C5orf46: variants seen among roughly 807,000 people sequenced by gnomAD.
The protein encoded by C5orf46 is uncharacterized protein C5orf46.
A neutral mutation model predicts 8.9 loss-of-function variants in C5orf46; 9 were observed. That is an observed-to-expected ratio of 1.01 (90% CI 0.61 to 1.76). The LOEUF (loss-of-function observed/expected upper bound fraction) is 1.76, where lower values mean the gene tolerates loss of function less well. Ranked by LOEUF, C5orf46 falls within the 40% of genes most tolerant of loss-of-function variation. C5orf46 has a pLI of 0.00. For missense variants in C5orf46, 98 were observed against 107.8 expected, an observed-to-expected ratio of 0.91 and a Z score of 0.40; for synonymous variants, 47 against 41.4, an observed-to-expected ratio of 1.14 and a Z score of -0.52.
intron 2 of C5orf46, among the ~76,000 whole-genome samples, chr5:147,900,896 G>C (rs942023921): frequency 2.0e-5 from 3 of 152,184 alleles, no homozygotes; most frequent in African/African-American, 7.2e-5. Flanking sequence ...ATACAGTGTA[G>C]TAGTGTCAAA....
chr5:147,900,007 A>G (rs1490800750), intron 2 of C5orf46, among the ~76,000 whole-genome samples: 1 of 152,186 alleles, frequency 6.6e-6, no homozygotes, highest in Non-Finnish European at 1.5e-5. Flanking sequence ...TATGGTTAAC[A>G]CAGAGAAAAA....
chr5:147,896,259 T>C (rs988196180), intron 3 of C5orf46, among the ~76,000 whole-genome samples: 1 of 152,190 alleles, frequency 6.6e-6, no homozygotes, highest in African/African-American at 2.4e-5. Context: ...CCTTTATCAA[T>C]ATAGCCACAT....
At chr5:147,893,704 G>A (rs1420413774) in intron 3 of C5orf46, among the ~76,000 whole-genome samples, 3 of 152,004 alleles carry the variant, frequency 2.0e-5, no homozygotes, top group African/African-American at 7.2e-5. Flanking sequence ...CACCATGCCC[G>A]GCTAATTTTG....
chr5:147,906,100 A>G (rs562888715), intron 1 of C5orf46, among the ~76,000 whole-genome samples: 6 of 152,294 alleles, frequency 3.9e-5, no homozygotes, highest in African/African-American at 1.4e-4. Flanking sequence ...CAGAGTACAT[A>G]TTCTTCACCA....
chr5:147,890,245 GA>G (rs1354307845), downstream of C5orf46, among the ~76,000 whole-genome samples: 1 of 152,106 alleles, frequency 6.6e-6, no homozygotes, highest in Non-Finnish European at 1.5e-5. Context: ...AAAATCATGA[GA>G]TATTCAACTG....
At chr5:147,901,447 G>A (rs1490048017) in intron 2 of C5orf46, 182 bp downstream of exon 2, 2 of 518,780 alleles carry the variant, frequency 3.9e-6, no homozygotes, top group South Asian at 3.7e-5. Flanking sequence ...CCCCCAAAAA[G>A]CTCAGGGCAG....
intron 1 of C5orf46, among the ~76,000 whole-genome samples, chr5:147,904,829 C>CTA (rs35258921): frequency 1.4e-4 from 21 of 148,736 alleles, no homozygotes; most frequent in Non-Finnish European, 1.8e-4. Flanking sequence ...TATTATATAT[C>CTA]TATATATATA....
chr5:147,893,572 C>T (rs907742343), intron 3 of C5orf46, among the ~76,000 whole-genome samples: 2 of 151,970 alleles, frequency 1.3e-5, no homozygotes, highest in Admixed American at 6.6e-5. Flanking sequence ...GCCACAGTTT[C>T]GCTCTTGTTG....
downstream of C5orf46, among the ~76,000 whole-genome samples, chr5:147,888,398 A>T (rs1436462697): frequency 6.6e-6 from 1 of 152,212 alleles, no homozygotes; most frequent in Non-Finnish European, 1.5e-5. Flanking sequence ...TGGATTTAAG[A>T]ATAAAATCCT....
rs1403343403 is a variant in C5orf46 at position 147,894,531 on chromosome 5, A to G, written c.*10-1592T>C. 3.3e-5 allele frequency among the ~76,000 whole-genome samples: 5 copies of G among 152,126 alleles called. 1 individual carries two copies. Among genetic ancestry groups the G allele is most frequent in the African/African-American group, 1.2e-4 (5 of 41,414 alleles). ...AGTTCACCTTATTTGTAGAGCATTC[A>G]TAATGCTTATCCCCTCCTCCAGATA... On this transcript the variant is annotated intron_variant, in intron 3 of 3. Coordinates refer to ENST00000318315, the MANE Select transcript of C5orf46 (RefSeq NM_206966.3).
intron 2 of C5orf46, among the ~76,000 whole-genome samples, chr5:147,900,572 G>A (rs1257613238): frequency 6.6e-6 from 1 of 152,178 alleles, no homozygotes; most frequent in African/African-American, 2.4e-5. Flanking sequence ...ATCTGATCAA[G>A]GCATGGCTTT....
At position 147,901,643 on chromosome 5, in the gene C5orf46, G is replaced by A. The variant is rs748873995; in HGVS notation, c.201C>T (p.Ser67=). 8.7e-6 allele frequency: 14 copies of A among 1,613,826 alleles called. 2 individuals are homozygous for A. The South Asian group carries it at 1.5e-4, about 18-fold the overall frequency. The change falls in exon 2 of 4, where the codon TCC becomes TCT. Residue 67 remains serine, a synonymous_variant. Coordinates refer to ENST00000318315, the MANE Select transcript of C5orf46 (RefSeq NM_206966.3). ...IENAVEFILR[S]MSRSTGFMEF... The stretch of plus-strand genomic sequence containing the variant: ...TCAGTGCTTACGTGCTCCTGGACAT[G>A]GAGCGGAGGATGAACTCGACTGCAT...
chr5:147,898,785 C>T (rs1350312789), intron 2 of C5orf46, among the ~76,000 whole-genome samples: 1 of 152,018 alleles, frequency 6.6e-6, no homozygotes. Flanking sequence ...GAATTAAGGG[C>T]TCTCAAAGGG....
chr5:147,890,192 C>G (rs573635039), downstream of C5orf46, among the ~76,000 whole-genome samples: 2 of 152,284 alleles, frequency 1.3e-5, no homozygotes, highest in South Asian at 4.2e-4. Flanking sequence ...GTTGGTTATG[C>G]ACGCATATCT....
At chr5:147,901,525 A>G in intron 2 of C5orf46, 104 bp downstream of exon 2, 1 of 1,009,310 alleles carries the variant, frequency 9.9e-7, no homozygotes, top group Non-Finnish European at 1.4e-6. Flanking sequence ...ACATTTACTT[A>G]TGCCACAAAT....
chr5:147,886,905 T>C (rs1757428831), intron 2 of C5orf46: 2 of 152,138 alleles, frequency 1.3e-5, no homozygotes. Context: ...TGATAACTAG[T>C]CACACATTTC....
At chr5:147,890,425 G>A (rs575495432), downstream of C5orf46, among the ~76,000 whole-genome samples, 2 of 152,178 alleles carry the variant, frequency 1.3e-5, no homozygotes, top group South Asian at 2.1e-4. Flanking sequence ...TTCTTGCCTC[G>A]TGGAGATTAC....
intron 2 of C5orf46, 57 bp downstream of exon 2, chr5:147,901,572 G>A (rs1043186973): frequency 2.5e-5 from 38 of 1,531,986 alleles, no homozygotes; most frequent in Admixed American, 3.6e-5. Context: ...TGAGGTCATT[G>A]TGTGGTCATT....
chr5:147,906,267 A>G (rs1189973494), intron 1 of C5orf46, among the ~76,000 whole-genome samples, 165 bp downstream of exon 1: 2 of 152,204 alleles, frequency 1.3e-5, no homozygotes, highest in Non-Finnish European at 2.9e-5. Flanking sequence ...TTAAAATTCT[A>G]CTTTCTTTGT....
Sources: allele counts gnomAD v4.1 joint callset (sites outside exome capture counted in the v4.1 genomes callset), GRCh38; gene constraint gnomAD v4.1.1; transcripts MANE v1.5; gene names NCBI Gene and HGNC (gene_info 2026-07-23, HGNC 2026-07-21).